The following MAD1L1 variants were observed in gnomAD, a reference collection of about 807,000 sequenced individuals.
MAD1L1 encodes the protein mitotic spindle assembly checkpoint protein MAD1.
A neutral mutation model predicts 96.9 loss-of-function variants in MAD1L1; 95 were observed. The ratio of observed to expected loss-of-function variants is 0.98; its 90% CI spans 0.83 to 1.16. The LOEUF (loss-of-function observed/expected upper bound fraction) is 1.16, where lower values mean the gene tolerates loss of function less well. Ranked by LOEUF, MAD1L1 falls within the 50% of genes most tolerant of loss-of-function variation. The pLI is 0.00. For synonymous variants in MAD1L1, 473 were observed against 396.6 expected, an observed-to-expected ratio of 1.19 and a Z score of -2.29; for missense variants, 1,007 against 954.4, an observed-to-expected ratio of 1.06 and a Z score of -0.73.
Position 1,903,339 on chromosome 7 carries a change from T to G in MAD1L1, c.1808-4949A>C, listed in dbSNP as rs575099523. Among the ~76,000 whole-genome samples the G allele has an allele frequency of 6.9e-3, 1,027 of 149,716 alleles. 12 individuals are homozygous for G. Among genetic ancestry groups the G allele is most frequent in the African/African-American group, 0.025 (994 of 40,138 alleles). On this transcript the variant is annotated intron_variant, in intron 17 of 18. Coordinates refer to ENST00000265854, the MANE Select transcript of MAD1L1 (RefSeq NM_001013836.2). The stretch of plus-strand genomic sequence containing the variant: ...ACGCAGTGGCCTACGGAAGACACTC[T>G]TGCGGAACTCATGATTGATGAAGCA...
intron 11 of MAD1L1, among the ~76,000 whole-genome samples, chr7:2,137,473 G>A (rs904409557): frequency 6.6e-5 from 10 of 152,122 alleles, no homozygotes; most frequent in African/African-American, 2.2e-4. Flanking sequence ...GCATGTTACC[G>A]GTCTGCTTGG....
At chr7:2,194,624 T>C (rs1346701116) in intron 10 of MAD1L1, among the ~76,000 whole-genome samples, 1 of 152,102 alleles carries the variant, frequency 6.6e-6, no homozygotes, top group African/African-American at 2.4e-5. Context: ...AAGTAAATAT[T>C]TACTATTAAT....
At chr7:1,893,006 G>A (rs970797814) in intron 18 of MAD1L1, among the ~76,000 whole-genome samples, 5 of 152,222 alleles carry the variant, frequency 3.3e-5, no homozygotes, top group African/African-American at 1.2e-4. Context: ...GAGAACCACT[G>A]GGAGGAGTGC....
At chr7:2,224,200 C>T (rs1444523778) in intron 4 of MAD1L1, among the ~76,000 whole-genome samples, 4 of 152,158 alleles carry the variant, frequency 2.6e-5, no homozygotes, top group African/African-American at 9.7e-5. Flanking sequence ...CACACTGTCC[C>T]TCCTGCCTGA....
At chr7:2,030,338 T>C (rs995205743) in intron 12 of MAD1L1, among the ~76,000 whole-genome samples, 17 of 152,226 alleles carry the variant, frequency 1.1e-4, no homozygotes, top group African/African-American at 3.6e-4. Context: ...TCCAGTTCAA[T>C]GGATGGTGAC....
At position 1,980,577 on chromosome 7, in the gene MAD1L1, C is replaced by T. The variant is rs766561520; in HGVS notation, c.1417-36G>A. 22 of 1,544,930 alleles carry T rather than the reference C, an allele frequency of 1.4e-5. No homozygotes were observed. In the East Asian group the frequency reaches 3.2e-4, roughly 23 times the overall value. On this transcript the variant is annotated intron_variant, in intron 14 of 18. Transcript: ENST00000265854. ...GCAAAGGATAGAGGGTCAGCAGACACGAGCGCACCCAGGTGTGTGGGGAAC... is the reference window on the plus strand; with the variant it reads ...GCAAAGGATAGAGGGTCAGCAGACATGAGCGCACCCAGGTGTGTGGGGAAC...
intron 18 of MAD1L1, among the ~76,000 whole-genome samples, chr7:1,887,273 G>T (rs555077249): frequency 6.6e-6 from 1 of 152,206 alleles, no homozygotes; most frequent in African/African-American, 2.4e-5. Context: ...ATGTGTGCAT[G>T]CATGTGTGTA....
Position 1,936,673 on chromosome 7 carries a change from T to TG in MAD1L1, c.1807+13dup. On this transcript the variant is annotated intron_variant, in intron 17 of 18. Coordinates refer to ENST00000265854, the MANE Select transcript of MAD1L1 (RefSeq NM_001013836.2). Reference sequence around the variant, plus strand: ...GGTCGAGGATGGCAGGGACCGGGGGTGGGGGGTGCCTACCTGCCACCTCCT... The same window carrying TG: ...GGTCGAGGATGGCAGGGACCGGGGGTGGGGGGGTGCCTACCTGCCACCTCCT... 1.3e-6 allele frequency: 2 copies of TG among 1,543,392 alleles called. No homozygotes were observed. Among genetic ancestry groups the TG allele is most frequent in the Admixed American group, 2.0e-5 (1 of 50,952 alleles).
At chr7:1,863,201 G>C (rs754667917) in intron 18 of MAD1L1, among the ~76,000 whole-genome samples, 3 of 152,268 alleles carry the variant, frequency 2.0e-5, no homozygotes, top group Admixed American at 6.5e-5. Context: ...TCACTCCTTC[G>C]GCCTCCGAAG....
At chr7:2,214,052 C>G (rs947626557) in intron 9 of MAD1L1, among the ~76,000 whole-genome samples, 22 of 152,274 alleles carry the variant, frequency 1.4e-4, no homozygotes, top group African/African-American at 5.3e-4. Context: ...AACTATATGA[C>G]AGCCAACGCT....
rs372249892 is a variant in MAD1L1, at chr7:2,048,271, G to A, written c.1218+20923C>T. Among the ~76,000 whole-genome samples, 36 of 152,342 alleles carry A rather than the reference G, an allele frequency of 2.4e-4. 1 individual carries two copies. The highest frequency in any genetic ancestry group is 7.2e-4 in the African/African-American group (30 of 41,568). ...CAGCGGGGTAGGTGTAGAGGGACTC[G>A]GAGAATGAGCAGCTACCTGGGCTGC... On this transcript the variant is annotated intron_variant, in intron 12 of 18. Coordinates refer to ENST00000265854, the MANE Select transcript of MAD1L1 (RefSeq NM_001013836.2).
intron 11 of MAD1L1, among the ~76,000 whole-genome samples, chr7:2,074,669 C>T (rs1785293135): frequency 6.6e-6 from 1 of 152,258 alleles, no homozygotes; most frequent in Non-Finnish European, 1.5e-5. Context: ...ACAGGCACTC[C>T]CTGGCGAAGC....
At chr7:2,147,714 C>T (rs1338221750) in intron 11 of MAD1L1, among the ~76,000 whole-genome samples, 2 of 152,238 alleles carry the variant, frequency 1.3e-5, no homozygotes, top group East Asian at 1.9e-4. Context: ...GACCACCTGC[C>T]CACTGTAGAG....
intron 18 of MAD1L1, among the ~76,000 whole-genome samples, chr7:1,868,437 G>T (rs915820024): frequency 2.0e-4 from 30 of 152,152 alleles, no homozygotes; most frequent in Admixed American, 2.6e-4. Flanking sequence ...TGCTGCTGGA[G>T]TGGGGCCCTC....
At chr7:2,160,383 A>T (rs1255584077) in intron 10 of MAD1L1, among the ~76,000 whole-genome samples, 7 of 125,702 alleles carry the variant, frequency 5.6e-5, no homozygotes, top group African/African-American at 2.2e-4. Context: ...CCCAGGCTGG[A>T]GTGCAGTGGC....
chr7:1,954,406 G>A (rs779319611), intron 16 of MAD1L1, among the ~76,000 whole-genome samples: 8 of 152,096 alleles, frequency 5.3e-5, no homozygotes, highest in Non-Finnish European at 1.0e-4. Flanking sequence ...ATGAGGTGGC[G>A]CATCAGAGGG....
At chr7:1,827,984 A>G (rs1403976261) in intron 18 of MAD1L1, among the ~76,000 whole-genome samples, 1 of 152,018 alleles carries the variant, frequency 6.6e-6, no homozygotes, top group Non-Finnish European at 1.5e-5. Flanking sequence ...GATGCTGGGG[A>G]TGCGGGGTGA....
intron 10 of MAD1L1, among the ~76,000 whole-genome samples, chr7:2,170,599 C>T (rs1210913501): frequency 1.3e-5 from 2 of 152,138 alleles, no homozygotes; most frequent in South Asian, 2.1e-4. Flanking sequence ...AGCAGGGTCT[C>T]GTGGTCATTG....
chr7:1,932,650 G>A (rs1371713712), intron 17 of MAD1L1, among the ~76,000 whole-genome samples: 1 of 152,244 alleles, frequency 6.6e-6, no homozygotes, highest in East Asian at 1.9e-4. Context: ...CTTTCGTCCT[G>A]TGTCCTGAAT....
Sources: gnomAD v4.1 joint callset for allele counts (sites outside exome capture counted in the v4.1 genomes callset) on GRCh38, gnomAD v4.1.1 for gene constraint, MANE v1.5 for transcripts, NCBI Gene and HGNC (gene_info 2026-07-23, HGNC 2026-07-21) for gene names.